RBFOX1: variants seen among roughly 807,000 people sequenced by gnomAD.
The protein encoded by RBFOX1 is RNA binding fox-1 homolog 1.
RBFOX1 carries 8 observed loss-of-function variants against 57.7 expected under a neutral mutation model. That is an observed-to-expected ratio of 0.14 (90% CI 0.08 to 0.25). RBFOX1 has a LOEUF of 0.25. RBFOX1 is among the 10% of genes least tolerant of loss of function. The pLI is 1.00. For synonymous variants in RBFOX1, 326 were observed against 222.4 expected (o/e 1.47, Z -4.15); for missense variants, 611 against 548.5 (o/e 1.11, Z -1.14).
chr16:5,326,223 T>C (rs1031550159), intron 1 of RBFOX1, among the ~76,000 whole-genome samples: 1 of 152,154 alleles, frequency 6.6e-6, no homozygotes, highest in South Asian at 2.1e-4. Flanking sequence ...CCTCCTTCTA[T>C]AGGTGGGATA....
chr16:7,519,224 A>G (rs1323128926), intron 5 of RBFOX1, among the ~76,000 whole-genome samples: 1 of 152,160 alleles, frequency 6.6e-6, no homozygotes, highest in African/African-American at 2.4e-5. Flanking sequence ...TTCATACCTC[A>G]GAGCTCTGAA....
At chr16:5,594,482 G>A (rs1256216334) in intron 2 of RBFOX1, among the ~76,000 whole-genome samples, 1 of 152,170 alleles carries the variant, frequency 6.6e-6, no homozygotes, top group East Asian at 1.9e-4. Context: ...ATACATTTTA[G>A]GGAGACATAA....
At chr16:6,760,094 T>A (rs2076393220) in intron 3 of RBFOX1, among the ~76,000 whole-genome samples, 1 of 152,164 alleles carries the variant, frequency 6.6e-6, no homozygotes, top group Non-Finnish European at 1.5e-5. Context: ...GTGATCTTGT[T>A]TTCATTAAAA....
chr16:6,758,233 T>C (rs559764992), intron 3 of RBFOX1, among the ~76,000 whole-genome samples: 20 of 152,218 alleles, frequency 1.3e-4, no homozygotes, highest in African/African-American at 4.8e-4. Flanking sequence ...ATTGGGAAGC[T>C]ACTATCAGAA....
At chr16:6,351,021 G>A (rs1346410945) in intron 2 of RBFOX1, among the ~76,000 whole-genome samples, 1 of 152,110 alleles carries the variant, frequency 6.6e-6, no homozygotes, top group Non-Finnish European at 1.5e-5. Context: ...GCAAAGTTGT[G>A]ATATGTCATC....
chr16:7,032,875 C>G (rs974558045), intron 3 of RBFOX1, among the ~76,000 whole-genome samples: 1 of 152,144 alleles, frequency 6.6e-6, no homozygotes, highest in African/African-American at 2.4e-5. Context: ...TCCAGATTCT[C>G]AAATTTCTGC....
intron 3 of RBFOX1, among the ~76,000 whole-genome samples, chr16:6,735,868 T>G (rs12444062): frequency 4.6e-5 from 7 of 152,306 alleles, no homozygotes; most frequent in Admixed American, 3.3e-4. Flanking sequence ...AGGCCCTCCT[T>G]CTGAGACCTC....
At chr16:7,202,734 C>G (rs756630553) in intron 4 of RBFOX1, among the ~76,000 whole-genome samples, 2 of 152,150 alleles carry the variant, frequency 1.3e-5, no homozygotes, top group Admixed American at 1.3e-4. Context: ...TTGTGCACTT[C>G]TTATGAGAAT....
intron 1 of RBFOX1, among the ~76,000 whole-genome samples, chr16:5,425,849 G>C (rs2067543170): frequency 6.6e-6 from 1 of 152,154 alleles, no homozygotes; most frequent in Admixed American, 6.5e-5. Context: ...CCAGCTCTTA[G>C]AGGTAAGCTT....
At chr16:7,073,891 A>G (rs1330335993) in intron 4 of RBFOX1, among the ~76,000 whole-genome samples, 1 of 147,680 alleles carries the variant, frequency 6.8e-6, no homozygotes, top group Admixed American at 6.9e-5. Flanking sequence ...CTAGATGTGT[A>G]GAAAAGAAAA....
chr16:7,002,057 C>T (rs895212372), intron 3 of RBFOX1, among the ~76,000 whole-genome samples: 10 of 152,060 alleles, frequency 6.6e-5, no homozygotes, highest in South Asian at 4.2e-4. Context: ...GGTGGACCAC[C>T]GAGAGATTCC....
At chr16:6,713,617 T>C (rs1272106933) in intron 3 of RBFOX1, among the ~76,000 whole-genome samples, 4 of 152,132 alleles carry the variant, frequency 2.6e-5, no homozygotes, top group Non-Finnish European at 4.4e-5. Context: ...AAATCCTTCC[T>C]TTCTCCATTG....
rs201401801 is a variant in RBFOX1, at chr16:7,214,623, G to T, written c.27+162525G>T. Among the ~76,000 whole-genome samples the T allele has an allele frequency of 1.7e-4, 26 of 152,104 alleles. 1 individual carries two copies. The East Asian group carries it at 5.1e-3, about 30-fold the overall frequency. On this transcript the variant is annotated intron_variant, in intron 4 of 15. Coordinates refer to ENST00000550418, the MANE Select transcript of RBFOX1 (RefSeq NM_018723.4). Reference sequence around the variant, plus strand: ...GAGTAATAACTTTTAGTACAAATCTGATCATGTCTGAGCTACTTAAAACTC... The same window carrying T: ...GAGTAATAACTTTTAGTACAAATCTTATCATGTCTGAGCTACTTAAAACTC...
chr16:7,449,500 A>T (rs1301273841), intron 4 of RBFOX1, among the ~76,000 whole-genome samples: 2 of 152,130 alleles, frequency 1.3e-5, no homozygotes, highest in Non-Finnish European at 2.9e-5. Flanking sequence ...AACATGCAGT[A>T]GCTCTGAGTC....
At chr16:5,503,811 A>T (rs2043284262) in intron 2 of RBFOX1, among the ~76,000 whole-genome samples, 1 of 152,204 alleles carries the variant, frequency 6.6e-6, no homozygotes, top group African/African-American at 2.4e-5. Flanking sequence ...GAACATGTTC[A>T]TCCCCTCCCC....
At chr16:6,642,975 C>T (rs1032298832) in intron 2 of RBFOX1, among the ~76,000 whole-genome samples, 2 of 152,292 alleles carry the variant, frequency 1.3e-5, no homozygotes, top group Middle Eastern at 3.4e-3. Flanking sequence ...ATAGCTCTTA[C>T]ATCGTGAGTC....
At chr16:7,360,072 C>T (rs1468348378) in intron 4 of RBFOX1, among the ~76,000 whole-genome samples, 1 of 151,996 alleles carries the variant, frequency 6.6e-6, no homozygotes, top group Admixed American at 6.6e-5. Flanking sequence ...ATAGTTGAAA[C>T]AACTTAAATA....
At chr16:5,864,599 C>T (rs2057301850) in intron 3 of RBFOX1, among the ~76,000 whole-genome samples, 2 of 143,792 alleles carry the variant, frequency 1.4e-5, no homozygotes, top group African/African-American at 2.6e-5. Context: ...CTGAATGTTT[C>T]GTTTTTCATT....
chr16:7,386,182 A>T (rs1457729197), intron 4 of RBFOX1, among the ~76,000 whole-genome samples: 1 of 152,088 alleles, frequency 6.6e-6, no homozygotes, highest in Admixed American at 6.6e-5. Flanking sequence ...ATGTAGGGCA[A>T]AGCGGGTATC....
Sources: gnomAD v4.1 joint callset for allele counts (sites outside exome capture counted in the v4.1 genomes callset) on GRCh38, gnomAD v4.1.1 for gene constraint, MANE v1.5 for transcripts, NCBI Gene and HGNC (gene_info 2026-07-23, HGNC 2026-07-21) for gene names.